CABIN1: variants seen among roughly 807,000 people sequenced by gnomAD.
CABIN1 encodes calcineurin-binding protein cabin-1.
A neutral mutation model predicts 227.7 loss-of-function variants in CABIN1; 133 were observed. The ratio of observed to expected loss-of-function variants is 0.58; its 90% confidence interval spans 0.51 to 0.67. The LOEUF (loss-of-function observed/expected upper bound fraction) is 0.67, where lower values mean the gene tolerates loss of function less well. Ranked by LOEUF, CABIN1 falls within the 30% of genes least tolerant of loss-of-function variation. The probability of loss-of-function intolerance (pLI) is 0.00; values close to 1 mark genes in which losing one functional copy is unlikely to be tolerated. For missense variants in CABIN1, 2,408 were observed against 2,852.5 expected (o/e 0.84, Z 3.55); for synonymous variants, 1,086 against 1,155.1 (o/e 0.94, Z 1.21).
chr22:24,161,469 C>T (rs1702739040), intron 29 of CABIN1, among the ~76,000 whole-genome samples: 1 of 152,136 alleles, frequency 6.6e-6, no homozygotes, highest in South Asian at 2.1e-4. Context: ...AGCAGCGGGA[C>T]CCAGGGCTGA....
At chr22:24,073,105 G>A (rs1238176536) in intron 18 of CABIN1, among the ~76,000 whole-genome samples, 8 of 152,166 alleles carry the variant, frequency 5.3e-5, no homozygotes, top group Non-Finnish European at 8.8e-5. Context: ...CAGGGAGGGC[G>A]AGCCCCAGAC....
intron 29 of CABIN1, among the ~76,000 whole-genome samples, chr22:24,139,969 A>G (rs1000376931): frequency 2.3e-4 from 35 of 152,248 alleles, no homozygotes; most frequent in African/African-American, 7.2e-4. Context: ...CACTGCCTGC[A>G]TGTCTCCATG....
Position 24,098,001 on chromosome 22 carries a change from T to C in CABIN1, c.3939-13T>C. 1 of 1,614,054 alleles carries C rather than the reference T, an allele frequency of 6.2e-7. No individual in the cohort carries two copies. The highest frequency in any genetic ancestry group is 2.2e-5 in the East Asian group (1 of 44,870). On this transcript the variant is annotated splice_polypyrimidine_tract_variant and intron_variant, in intron 25 of 36. Transcript: ENST00000263119. The stretch of plus-strand genomic sequence containing the variant: ...GAGACTCTGACCTGTGCCCCAAACC[T>C]CTGTTCCCACAGGGAGAAGGCCTGC...
chr22:24,159,840 C>G (rs2046046731), intron 29 of CABIN1, among the ~76,000 whole-genome samples: 1 of 152,206 alleles, frequency 6.6e-6, no homozygotes, highest in South Asian at 2.1e-4. Context: ...CACTGGCCAC[C>G]TGCCAGCCAC....
At chr22:24,153,016 G>T (rs1414417374) in intron 29 of CABIN1, among the ~76,000 whole-genome samples, 1 of 152,184 alleles carries the variant, frequency 6.6e-6, no homozygotes, top group Non-Finnish European at 1.5e-5. Context: ...GCTATAGGGT[G>T]CCACTGGGGC....
At chr22:24,117,550 G>C (rs1334313653) in intron 27 of CABIN1, among the ~76,000 whole-genome samples, 1 of 151,786 alleles carries the variant, frequency 6.6e-6, no homozygotes, top group African/African-American at 2.4e-5. Flanking sequence ...TTTTTTGGGG[G>C]GGGGGTTAGG....
intron 34 of CABIN1, 137 bp from the exon 35 acceptor site, chr22:24,175,974 C>T (rs2047081279): frequency 9.7e-7 from 1 of 1,032,738 alleles, no homozygotes; most frequent in Non-Finnish European, 1.5e-6. Flanking sequence ...ACTGCCTCAG[C>T]CAGGACCCCA....
At chr22:24,100,726 G>A (rs1170911076) in intron 26 of CABIN1, among the ~76,000 whole-genome samples, 3 of 152,328 alleles carry the variant, frequency 2.0e-5, no homozygotes, top group African/African-American at 7.2e-5. Context: ...GGAGGCAAGT[G>A]CACAGCAGGC....
intron 29 of CABIN1, among the ~76,000 whole-genome samples, chr22:24,153,114 G>A (rs918067563): frequency 6.6e-6 from 1 of 152,208 alleles, no homozygotes; most frequent in African/African-American, 2.4e-5. Context: ...AGGACCAGAA[G>A]CCCACCACCA....
In CABIN1 at chr22:24,165,635, C is replaced by T; in HGVS notation, c.5007+9C>T. ...TGAGCGAGCTCGCAGAGGTATGCCACCTGTGTCCTCCTCTCCTCCACGGCC... is the reference window on the plus strand; with the variant it reads ...TGAGCGAGCTCGCAGAGGTATGCCATCTGTGTCCTCCTCTCCTCCACGGCC... On this transcript the variant is annotated intron_variant, in intron 31 of 36. Transcript: ENST00000263119. 1 of 1,607,518 alleles carries T rather than the reference C, an allele frequency of 6.2e-7. No individual in the cohort carries two copies. Among genetic ancestry groups the T allele is most frequent in the South Asian group, 1.1e-5 (1 of 90,358 alleles).
In CABIN1 at chr22:24,019,825, T is replaced by A. The variant is rs556137220; in HGVS notation, c.-75+8458T>A. 5.9e-4 allele frequency among the ~76,000 whole-genome samples: 89 copies of A among 151,722 alleles called. 1 individual carries two copies. In the South Asian group the frequency reaches 0.018, roughly 30 times the overall value. ...GGCATGCGCCACCATGCCCAGCTAA[T>A]TTTGTATTTTTAGTAGAGACGGGGT... On this transcript the variant is annotated intron_variant, in intron 1 of 36. Transcript: ENST00000263119.
intron 26 of CABIN1, among the ~76,000 whole-genome samples, chr22:24,110,856 C>T (rs1183819579): frequency 4.3e-5 from 5 of 115,182 alleles, no homozygotes; most frequent in Non-Finnish European, 7.0e-5. Flanking sequence ...TCAAAATGGC[C>T]CACCTAGGTG....
intron 1 of CABIN1, among the ~76,000 whole-genome samples, chr22:24,032,492 G>A (rs535246194): frequency 6.6e-6 from 1 of 152,190 alleles, no homozygotes; most frequent in South Asian, 2.1e-4. Flanking sequence ...TTTATTTTGT[G>A]TATATAGCCA....
chr22:24,058,881 C>G (rs1371648651), intron 10 of CABIN1, among the ~76,000 whole-genome samples: 1 of 152,226 alleles, frequency 6.6e-6, no homozygotes, highest in African/African-American at 2.4e-5. Flanking sequence ...GTTTGTGTAC[C>G]TGCTTATTGG....
At chr22:24,119,990 A>G (rs1204659283) in intron 28 of CABIN1, among the ~76,000 whole-genome samples, 1 of 151,676 alleles carries the variant, frequency 6.6e-6, no homozygotes, top group Non-Finnish European at 1.5e-5. Flanking sequence ...AGGCTCAACT[A>G]CTCTTTCCTG....
At chr22:24,147,175 C>G (rs904691716) in intron 29 of CABIN1, among the ~76,000 whole-genome samples, 2 of 152,196 alleles carry the variant, frequency 1.3e-5, no homozygotes, top group Non-Finnish European at 2.9e-5. Flanking sequence ...AACTTCATTT[C>G]CCACCACAAG....
chr22:24,112,815 G>A (rs549179527), intron 26 of CABIN1, among the ~76,000 whole-genome samples: 1 of 152,122 alleles, frequency 6.6e-6, no homozygotes, highest in Non-Finnish European at 1.5e-5. Context: ...TACCCTGAAA[G>A]CAACAAGGTT....
intron 15 of CABIN1, among the ~76,000 whole-genome samples, chr22:24,065,144 G>A (rs1213483831): frequency 2.7e-5 from 4 of 150,796 alleles, no homozygotes; most frequent in African/African-American, 9.8e-5. Context: ...CCGGGCGGGG[G>A]CTGACCCCCC....
intron 25 of CABIN1, 39 bp downstream of exon 25, chr22:24,096,121 C>T (rs752113578): frequency 6.2e-7 from 1 of 1,609,906 alleles, no homozygotes; most frequent in South Asian, 1.1e-5. Context: ...GCAGCTTACC[C>T]CATCTGCATC....
Sources: allele counts gnomAD v4.1 joint callset (sites outside exome capture counted in the v4.1 genomes callset), GRCh38; gene constraint gnomAD v4.1.1; transcripts MANE v1.5; gene names NCBI Gene and HGNC (gene_info 2026-07-23, HGNC 2026-07-21).